CSF2RB: variants seen among roughly 807,000 people sequenced by gnomAD.
CSF2RB encodes the protein colony stimulating factor 2 receptor subunit beta, also known as cytokine receptor common subunit beta.
Under a neutral mutation model 67.2 loss-of-function variants are expected in CSF2RB, and 22 were observed. That is an observed-to-expected ratio of 0.33 (90% CI 0.23 to 0.47). CSF2RB has a LOEUF of 0.47. Ranked by LOEUF, CSF2RB falls within the 20% of genes least tolerant of loss-of-function variation. CSF2RB has a pLI of 1.00. For missense variants in CSF2RB, 1,113 were observed against 1,174.5 expected (o/e 0.95, Z 0.76); for synonymous variants, 507 against 482.9 (o/e 1.05, Z -0.65).
chr22:36,937,356 C>T lies in CSF2RB; in HGVS notation c.1569-21C>T. ...TCTGCCCAGGGTGGTCCCAACTCTT[C>T]TGCCCATTTTCTTCCCACAGGGTGT... On this transcript the variant is annotated intron_variant, in intron 13 of 13. Coordinates refer to ENST00000403662, the MANE Select transcript of CSF2RB (RefSeq NM_000395.3). This position sits in a 1 kb window ranked among gnomAD's most constrained non-coding sequence, Gnocchi z 4.6. 6.2e-7 allele frequency: 1 copy of T among 1,611,676 alleles called. No homozygotes were observed. The highest frequency in any genetic ancestry group is 8.5e-7 in the Non-Finnish European group (1 of 1,179,940).
At chr22:36,920,484 G>A (rs977576376) in intron 1 of CSF2RB, among the ~76,000 whole-genome samples, 5 of 152,304 alleles carry the variant, frequency 3.3e-5, no homozygotes, top group Middle Eastern at 3.4e-3. Context: ...GAATCTGCCC[G>A]CACCTTGATC....
At chr22:36,915,075 T>C (rs1446024966) in intron 1 of CSF2RB, among the ~76,000 whole-genome samples, 1 of 152,116 alleles carries the variant, frequency 6.6e-6, no homozygotes, top group Non-Finnish European at 1.5e-5. Context: ...TTCCTGTTTG[T>C]TTTTTGTTTT....
intron 8 of CSF2RB, 92 bp downstream of exon 8, chr22:36,930,922 C>A: frequency 1.4e-6 from 2 of 1,461,808 alleles, no homozygotes; most frequent in Non-Finnish European, 9.5e-7. Context: ...CTCCTGGCCC[C>A]GTCTTCATGT....
chr22:36,921,135 C>G (rs4821570), intron 1 of CSF2RB, among the ~76,000 whole-genome samples: 66,320 of 150,158 alleles, frequency 0.44, 16,451 homozygotes, highest in Admixed American at 0.58. Context: ...GTGTGAATTT[C>G]TGTGTATGTG....
chr22:36,933,300 G>C (rs1941195212), intron 9 of CSF2RB, among the ~76,000 whole-genome samples: 1 of 152,196 alleles, frequency 6.6e-6, no homozygotes, highest in African/African-American at 2.4e-5. Flanking sequence ...ATGAGTCGGG[G>C]GTGCGCCCAG....
At chr22:36,922,566 G>C (rs147272551) in intron 2 of CSF2RB, 1 of 560,316 alleles carries the variant, frequency 1.8e-6, no homozygotes, top group Non-Finnish European at 3.2e-6. Context: ...TGCTCTGGCC[G>C]TTTCCCTGCC....
At chr22:36,928,601 T>C (rs747442579) in intron 4 of CSF2RB, among the ~76,000 whole-genome samples, 3 of 152,194 alleles carry the variant, frequency 2.0e-5, no homozygotes, top group Admixed American at 1.3e-4. Flanking sequence ...TCAGGTGCCG[T>C]GTCTTCATTC....
intron 12 of CSF2RB, 34 bp downstream of exon 12, chr22:36,935,721 T>C (rs1468189095): frequency 6.3e-7 from 1 of 1,598,878 alleles, no homozygotes; most frequent in South Asian, 1.1e-5. Context: ...GAGTGGGGGC[T>C]TCTCTGTTCC....
rs1941340873 is a variant in CSF2RB at position 36,939,314 on chromosome 22, CAGAGCCCACGT to C, written c.*813_*823del. 2.9e-6 allele frequency: 2 copies of C among 700,646 alleles called. No individual in the cohort carries two copies. Among genetic ancestry groups the C allele is most frequent in the Admixed American group, 4.0e-5 (2 of 49,928 alleles). The allele number at this position is 700,646 out of a possible 1,614,324, so 43.4% of individuals were successfully genotyped here. The stretch of plus-strand genomic sequence containing the variant: ...CCTGGGGAACATCAGGAGAGGAGTC[CAGAGCCCACGT>C]CTACTGCGGAAAAGTCAGGGGAAAC... On this transcript the variant is annotated 3_prime_UTR_variant, in exon 14 of 14. Coordinates refer to ENST00000403662, the MANE Select transcript of CSF2RB (RefSeq NM_000395.3).
intron 1 of CSF2RB, among the ~76,000 whole-genome samples, chr22:36,918,572 C>A (rs151072811): frequency 4.3e-4 from 66 of 152,302 alleles, no homozygotes; most frequent in African/African-American, 1.3e-3. Context: ...TAGCCTCCCC[C>A]CTTGAATACA....
At position 36,922,151 on chromosome 22, in the gene CSF2RB, GC is replaced by G; in HGVS notation, c.-54del. ...TTCAGGACACTAAGGACCCTGTCATGCCCATGGCCAGCACCCACCAGTGCTG... is the reference window on the plus strand; with the variant it reads ...TTCAGGACACTAAGGACCCTGTCATGCCATGGCCAGCACCCACCAGTGCTG... On this transcript the variant is annotated 5_prime_UTR_variant, in exon 2 of 14. The change abolishes the stop of an existing upstream ORF in the 5' untranslated region. Transcript: ENST00000403662. The G allele has an allele frequency of 1.3e-6, 2 of 1,483,382 alleles. No individual in the cohort carries two copies. The highest frequency in any genetic ancestry group is 2.4e-5 in the South Asian group (2 of 82,722). 91.9% of individuals were successfully genotyped at this position (1,483,382 alleles called of 1,614,324 possible).
Position 36,922,524 on chromosome 22 carries a change from C to T in CSF2RB, c.76+241C>T, listed in dbSNP as rs1395071338. The T allele has an allele frequency of 9.5e-5, 56 of 591,060 alleles. No homozygotes were observed. The East Asian group carries it at 1.0e-3, about 11-fold the overall frequency. 36.6% of individuals were successfully genotyped at this position (591,060 alleles called of 1,614,324 possible). Reference sequence around the variant, plus strand: ...GCTTCCTTGCCCACATTTCTCAGGGCGGCACTCCCGGCCCCTAGGCTCCAG... The same window carrying T: ...GCTTCCTTGCCCACATTTCTCAGGGTGGCACTCCCGGCCCCTAGGCTCCAG... On this transcript the variant is annotated intron_variant, in intron 2 of 13. Coordinates refer to ENST00000403662, the MANE Select transcript of CSF2RB (RefSeq NM_000395.3).
At position 36,938,270 on chromosome 22, in the gene CSF2RB, A is replaced by T; in HGVS notation, c.2462A>T (p.Asp821Val). 6.2e-7 allele frequency: 1 copy of T among 1,614,108 alleles called. No individual in the cohort carries two copies. Among genetic ancestry groups the T allele is most frequent in the Non-Finnish European group, 8.5e-7 (1 of 1,180,000 alleles). Reference protein sequence around the residue: ...EGLLVLQQVGDYCFLPGLGPG... With the variant: ...EGLLVLQQVGVYCFLPGLGPG... ...CTCCTTGTCCTGCAGCAAGTGGGCG[A>T]CTATTGCTTCCTCCCCGGCCTGGGG... Residue 821 changes from aspartate to valine, a missense_variant, in exon 14 of 14, where the codon GAC (aspartate) becomes GTC (valine). Coordinates refer to ENST00000403662, the MANE Select transcript of CSF2RB (RefSeq NM_000395.3).
chr22:36,922,328 T>G, intron 2 of CSF2RB, 45 bp downstream of exon 2: 1 of 1,528,592 alleles, frequency 6.5e-7, no homozygotes. Flanking sequence ...CTGTCCTCAC[T>G]GCTGCACCCT....
intron 6 of CSF2RB, 100 bp downstream of exon 6, chr22:36,929,907 C>T: frequency 2.1e-6 from 3 of 1,462,158 alleles, no homozygotes; most frequent in Non-Finnish European, 2.8e-6. Flanking sequence ...TGGGGGCTTC[C>T]CAGATCTCCT....
chr22:36,920,439 A>G (rs981326879), intron 1 of CSF2RB, among the ~76,000 whole-genome samples: 5 of 152,240 alleles, frequency 3.3e-5, no homozygotes, highest in African/African-American at 1.2e-4. Flanking sequence ...GATTATAGGG[A>G]GAAGACTGCA....
At position 36,935,409 on chromosome 22, in the gene CSF2RB, G is replaced by T. The variant is rs915169505; in HGVS notation, c.1374G>T (p.Leu458=). 2 of 1,614,174 alleles carry T rather than the reference G, an allele frequency of 1.2e-6. No individual in the cohort carries two copies. The highest frequency in any genetic ancestry group is 3.3e-5 in the Admixed American group (2 of 60,010). ...IVIFLTIAVL[L]ALRFCGIYGY... ...TCTTCCTCACCATCGCTGTGCTCCT[G>T]GCCCTCCGCTTCTGTGGCATCTACG... Residue 458 remains leucine (L), a synonymous_variant, in exon 11 of 14, where the codon CTG becomes CTT. Transcript: ENST00000403662.
chr22:36,935,504 A>C (rs1601592742), intron 11 of CSF2RB, 63 bp downstream of exon 11: 1 of 1,603,588 alleles, frequency 6.2e-7, no homozygotes, highest in Non-Finnish European at 8.5e-7. Flanking sequence ...GGGGAATCCC[A>C]CCCAGCTCCC....
chr22:36,921,939 G>A (rs1940881838), intron 1 of CSF2RB, 97 bp from the exon 2 acceptor site: 2 of 573,224 alleles, frequency 3.5e-6, no homozygotes, highest in Admixed American at 3.0e-5. Context: ...GGTCATGCAT[G>A]AGGGCCACTT....
Sources: gnomAD v4.1 joint callset for allele counts (sites outside exome capture counted in the v4.1 genomes callset) on GRCh38, gnomAD v4.1.1 for gene constraint, Gnocchi (gnomAD v3.1) non-coding constraint, MANE v1.5 for transcripts, NCBI Gene and HGNC (gene_info 2026-07-23, HGNC 2026-07-21) for gene names.